The following ACER1 variants were observed in gnomAD, a reference collection of about 807,000 sequenced individuals.
ACER1 encodes the protein CTB-180A7.3.
ACER1 carries 28 observed loss-of-function variants against 24.9 expected under a neutral mutation model. That is an observed-to-expected ratio of 1.13 (90% CI 0.83 to 1.54). The LOEUF (loss-of-function observed/expected upper bound fraction) is 1.54. ACER1 is among the 40% of genes most tolerant of loss of function. The pLI is 0.00. For missense variants in ACER1, 352 were observed against 349.3 expected (o/e 1.01, Z -0.06); for synonymous variants, 132 against 131.4 (o/e 1.00, Z -0.03).
the ACER1 span, among the ~76,000 whole-genome samples, chr19:6,356,673 C>T: frequency 1.2e-4 from 18 of 151,392 alleles, no homozygotes; most frequent in African/African-American, 4.1e-4. Context: ...AAACAATATG[C>T]TGTTTTTGCA....
At chr19:6,357,290 G>A in the ACER1 span, among the ~76,000 whole-genome samples, 6 of 151,736 alleles carry the variant, frequency 4.0e-5, no homozygotes, top group African/African-American at 1.5e-4. Flanking sequence ...CAGGTGAGCC[G>A]CCCGCCTCCG....
intron 1 of ACER1, among the ~76,000 whole-genome samples, chr19:6,321,608 G>T (rs200204894): frequency 6.7e-6 from 1 of 150,294 alleles, no homozygotes; most frequent in Non-Finnish European, 1.5e-5. Flanking sequence ...TTCTTTGTTT[G>T]TTTTGTTTTG....
chr19:6,331,298 C>G (rs1283310465), intron 1 of ACER1, among the ~76,000 whole-genome samples: 1 of 148,094 alleles, frequency 6.8e-6, no homozygotes, highest in Non-Finnish European at 1.5e-5. Flanking sequence ...TACAGGCGCC[C>G]GGCACCATGC....
chr19:6,310,272 A>G (rs1205229019), intron 3 of ACER1, among the ~76,000 whole-genome samples: 1 of 149,354 alleles, frequency 6.7e-6, no homozygotes, highest in South Asian at 2.1e-4. Flanking sequence ...TATTTTTACT[A>G]GAGACGGGGT....
At chr19:6,307,334 C>A (rs1778154441) in intron 4 of ACER1, 44 bp from the exon 5 acceptor site, 2 of 1,605,638 alleles carry the variant, frequency 1.2e-6, no homozygotes, top group Non-Finnish European at 1.7e-6. Context: ...CGGAGAGCAG[C>A]ACCTGATGGG....
chr19:6,339,809 C>T, the ACER1 span, among the ~76,000 whole-genome samples: 1 of 151,886 alleles, frequency 6.6e-6, no homozygotes, highest in Non-Finnish European at 1.5e-5. Flanking sequence ...ACTACAGGCG[C>T]CCGCCACCAC....
chr19:6,356,733 A>C, the ACER1 span, among the ~76,000 whole-genome samples: 2 of 152,032 alleles, frequency 1.3e-5, no homozygotes, highest in Non-Finnish European at 2.9e-5. Context: ...AAAAAAAAAA[A>C]AAAACTTTAA....
intron 3 of ACER1, among the ~76,000 whole-genome samples, chr19:6,311,021 A>G (rs769800620): frequency 1.5e-4 from 22 of 151,676 alleles, no homozygotes; most frequent in Non-Finnish European, 3.1e-4. Context: ...GTAGGATGAG[A>G]AGAGGGTCCC....
the ACER1 span, among the ~76,000 whole-genome samples, chr19:6,355,043 T>A: frequency 1.3e-5 from 2 of 152,138 alleles, no homozygotes; most frequent in Non-Finnish European, 2.9e-5. Flanking sequence ...CGGGCTGGTC[T>A]CCAGCTCCTA....
At chr19:6,359,275 T>C in the ACER1 span, among the ~76,000 whole-genome samples, 2 of 151,094 alleles carry the variant, frequency 1.3e-5, no homozygotes, top group African/African-American at 4.9e-5. Context: ...GTAAACTTCT[T>C]ATACATCAAA....
chr19:6,334,357 A>T (rs9304933), upstream of ACER1, among the ~76,000 whole-genome samples: 12,766 of 144,596 alleles, frequency 0.088, 839 homozygotes, highest in African/African-American at 0.19. Flanking sequence ...CTTTTTTTTT[A>T]AAATTGAGAT....
chr19:6,345,039 G>A, the ACER1 span, among the ~76,000 whole-genome samples: 1 of 151,680 alleles, frequency 6.6e-6, no homozygotes, highest in Non-Finnish European at 1.5e-5. Context: ...CTAATTTTTT[G>A]TATTTTTAGT....
chr19:6,325,003 AC>A (rs752372871), intron 1 of ACER1, among the ~76,000 whole-genome samples: 5 of 151,912 alleles, frequency 3.3e-5, no homozygotes, highest in African/African-American at 4.8e-5. Flanking sequence ...GAGCAAACTG[AC>A]GGAGCCCACA....
intron 1 of ACER1, among the ~76,000 whole-genome samples, chr19:6,313,864 C>T (rs1304738229): frequency 6.6e-5 from 10 of 152,156 alleles, no homozygotes; most frequent in African/African-American, 2.2e-4. Flanking sequence ...GAAGCCACCA[C>T]GCTGGAGAAA....
chr19:6,306,818 A>G lies in ACER1; in HGVS notation c.691T>C (p.Tyr231His), dbSNP rs758545216. 1 of 1,614,042 alleles carries G rather than the reference A, an allele frequency of 6.2e-7. No individual in the cohort carries two copies. Among genetic ancestry groups the G allele is most frequent in the Non-Finnish European group, 8.5e-7 (1 of 1,180,028 alleles). Residue 231 changes from tyrosine to histidine, a missense_variant, in exon 6 of 6, where the codon TAT becomes CAT. Coordinates refer to ENST00000301452, the MANE Select transcript of ACER1 (RefSeq NM_133492.3). ...TTGAGGGTTTCACCTGGCATCTCAT[A>G]GTTGGCATCCACCAAGGCCATGGTG... is the stretch of plus-strand genomic sequence containing the variant. ...MVTMALVDANYEMPGETLKVR... is the reference protein window; with the variant it reads ...MVTMALVDANHEMPGETLKVR...
intron 4 of ACER1, among the ~76,000 whole-genome samples, chr19:6,308,163 G>A (rs1279550543): frequency 2.0e-5 from 3 of 151,980 alleles, no homozygotes; most frequent in South Asian, 4.2e-4. Flanking sequence ...AGCTGGGCGC[G>A]GCGGCTCAAG....
intron 3 of ACER1, among the ~76,000 whole-genome samples, chr19:6,310,212 C>T: frequency 6.6e-6 from 1 of 151,876 alleles, no homozygotes; most frequent in East Asian, 2.0e-4. Context: ...CTCAGCCTCC[C>T]AAGTAGCTGG....
intron 1 of ACER1, among the ~76,000 whole-genome samples, chr19:6,316,102 TG>T (rs1298129105): frequency 2.0e-5 from 3 of 151,982 alleles, no homozygotes; most frequent in Non-Finnish European, 4.4e-5. Flanking sequence ...CACTCCAGCC[TG>T]GGTGAGAGAA....
At chr19:6,329,854 T>G (rs896643514) in intron 1 of ACER1, among the ~76,000 whole-genome samples, 1 of 151,348 alleles carries the variant, frequency 6.6e-6, no homozygotes, top group African/African-American at 2.4e-5. Context: ...TTTTATTTTA[T>G]TTTTAATTTT....
Sources: gnomAD v4.1 joint callset for allele counts (sites outside exome capture counted in the v4.1 genomes callset) on GRCh38, gnomAD v4.1.1 for gene constraint, MANE v1.5 for transcripts, NCBI Gene and HGNC (gene_info 2026-07-23, HGNC 2026-07-21) for gene names.